Variants in GRB10 observed in about 807,000 individuals in gnomAD.
GRB10 encodes growth factor receptor bound protein 10.
GRB10 carries 20 observed loss-of-function variants against 80.9 expected under a neutral mutation model. That is an observed-to-expected ratio of 0.25 (90% CI 0.17 to 0.36). The LOEUF is 0.36. GRB10 is among the 10% of genes least tolerant of loss of function. The pLI, the probability that GRB10 is intolerant of heterozygous loss-of-function variation, is 1.00. For missense variants in GRB10, 548 were observed against 747.7 expected, an observed-to-expected ratio of 0.73 and a Z score of 3.12; for synonymous variants, 291 against 291.5, an observed-to-expected ratio of 1.00 and a Z score of 0.02.
At chr7:50,630,086 T>A (rs1040145666) in intron 7 of GRB10, among the ~76,000 whole-genome samples, 3 of 152,248 alleles carry the variant, frequency 2.0e-5, no homozygotes, top group African/African-American at 7.2e-5. Flanking sequence ...AGCCTCCTAC[T>A]GGCTTTGTGA....
At chr7:50,768,399 GCCCTAATAAGGCCTTCATAAA>G (rs963507470) in intron 2 of GRB10, among the ~76,000 whole-genome samples, 1 of 152,112 alleles carries the variant, frequency 6.6e-6, no homozygotes, top group African/African-American at 2.4e-5. Context: ...GACTTCAATT[GCCCTAATAAGGCCTTCATAAA>G]CCCCCAGGTT....
At chr7:50,773,424 A>C (rs867295576) in intron 2 of GRB10, among the ~76,000 whole-genome samples, 1 of 29,500 alleles carries the variant, frequency 3.4e-5, no homozygotes, top group African/African-American at 6.5e-5. Flanking sequence ...GGGACGGGGA[A>C]GGGAAGGGGA....
Position 50,596,244 on chromosome 7 carries a change from T to G in GRB10, c.1545-714A>C, listed in dbSNP as rs111646891. Reference sequence around the variant, plus strand: ...TTACTACAAAGGGGAAAATAATAGCTTTACAGTGGAGAAATCCGGCCGACA... The same window carrying G: ...TTACTACAAAGGGGAAAATAATAGCGTTACAGTGGAGAAATCCGGCCGACA... On this transcript the variant is annotated intron_variant, in intron 17 of 18. Coordinates refer to ENST00000401949, the MANE Select transcript of GRB10 (RefSeq NM_001350814.2). Among the ~76,000 whole-genome samples the G allele has an allele frequency of 1.6e-3, 237 of 152,318 alleles. 3 individuals carry two copies. Among genetic ancestry groups the G allele is most frequent in the African/African-American group, 5.4e-3 (225 of 41,564 alleles).
chr7:50,774,732 T>A (rs934272172), intron 2 of GRB10, among the ~76,000 whole-genome samples: 4 of 152,132 alleles, frequency 2.6e-5, no homozygotes, highest in African/African-American at 9.7e-5. Flanking sequence ...CAAAATACAT[T>A]CATTCCATCC....
intron 17 of GRB10, among the ~76,000 whole-genome samples, chr7:50,598,596 T>A (rs1461255213): frequency 6.6e-6 from 1 of 152,192 alleles, no homozygotes; most frequent in Non-Finnish European, 1.5e-5. Context: ...TTCATGGTGA[T>A]ACTGTTATCT....
intron 5 of GRB10, among the ~76,000 whole-genome samples, chr7:50,697,737 C>G (rs1398642815): frequency 2.6e-5 from 4 of 152,192 alleles, no homozygotes; most frequent in African/African-American, 9.6e-5. Context: ...TAAAAAGAAT[C>G]CCCAAAGTTG....
chr7:50,694,980 T>C (rs375539808), intron 5 of GRB10, among the ~76,000 whole-genome samples: 1 of 152,116 alleles, frequency 6.6e-6, no homozygotes, highest in South Asian at 2.1e-4. Context: ...CTAACCTCTC[T>C]GCTATTAGGA....
intron 15 of GRB10, chr7:50,604,922 T>C (rs1189390556): frequency 9.7e-6 from 3 of 310,426 alleles, no homozygotes; most frequent in Non-Finnish European, 1.8e-5. Flanking sequence ...AGGCTGTTAG[T>C]AGCAGACCTT....
At chr7:50,749,657 T>G (rs975393027) in intron 3 of GRB10, among the ~76,000 whole-genome samples, 2 of 152,212 alleles carry the variant, frequency 1.3e-5, no homozygotes, top group African/African-American at 2.4e-5. Context: ...CTGCAATAAC[T>G]AGGTAATCAT....
intron 3 of GRB10, among the ~76,000 whole-genome samples, chr7:50,739,940 C>T (rs2153695992): frequency 6.6e-6 from 1 of 152,314 alleles, no homozygotes; most frequent in African/African-American, 2.4e-5. Flanking sequence ...GCCACCTCTT[C>T]CTGTGACTCC....
chr7:50,775,248 G>A (rs2077503934), intron 2 of GRB10, among the ~76,000 whole-genome samples: 1 of 150,408 alleles, frequency 6.6e-6, no homozygotes, highest in Non-Finnish European at 1.5e-5. Flanking sequence ...GAAAAAAGAG[G>A]TAACATTTCC....
intron 13 of GRB10, among the ~76,000 whole-genome samples, chr7:50,607,402 A>G (rs2048728581): frequency 6.6e-6 from 1 of 152,210 alleles, no homozygotes; most frequent in Admixed American, 6.5e-5. Flanking sequence ...TCAACTTCAC[A>G]TTCAATATGG....
intron 4 of GRB10, among the ~76,000 whole-genome samples, chr7:50,728,189 A>G (rs1360774808): frequency 7.1e-6 from 1 of 140,776 alleles, no homozygotes; most frequent in Non-Finnish European, 1.5e-5. Flanking sequence ...AATGTAGTCT[A>G]ATAAAATGTT....
intron 5 of GRB10, among the ~76,000 whole-genome samples, chr7:50,688,453 G>T (rs890551038): frequency 1.3e-5 from 2 of 152,126 alleles, no homozygotes; most frequent in Non-Finnish European, 2.9e-5. Context: ...TCTTTGTCAG[G>T]ACCAAAGAAT....
chr7:50,760,237 G>A (rs542603770), intron 2 of GRB10, among the ~76,000 whole-genome samples: 283 of 152,258 alleles, frequency 1.9e-3, no homozygotes, highest in African/African-American at 6.2e-3. Flanking sequence ...ACAGAACAGC[G>A]ACTGAGCAGA....
intron 17 of GRB10, among the ~76,000 whole-genome samples, chr7:50,597,529 TG>T (rs1563101658): frequency 2.6e-5 from 4 of 152,358 alleles, no homozygotes; most frequent in Admixed American, 2.0e-4. Context: ...GAGGAAAATG[TG>T]GGGCGTCCCT....
At chr7:50,743,297 G>A (rs891663105) in intron 3 of GRB10, among the ~76,000 whole-genome samples, 1 of 152,210 alleles carries the variant, frequency 6.6e-6, no homozygotes, top group African/African-American at 2.4e-5. Flanking sequence ...AGACTTGTGT[G>A]GCATATTCTA....
At chr7:50,791,690 ACT>A (rs1395705623) in intron 1 of GRB10, among the ~76,000 whole-genome samples, 2 of 152,232 alleles carry the variant, frequency 1.3e-5, no homozygotes, top group African/African-American at 2.4e-5. Context: ...TGGGCGTGTA[ACT>A]CTGTCCTCAA....
chr7:50,789,734 T>C (rs2078836777), intron 1 of GRB10, among the ~76,000 whole-genome samples: 1 of 152,074 alleles, frequency 6.6e-6, no homozygotes, highest in Non-Finnish European at 1.5e-5. Context: ...GGTTCAAAAA[T>C]ATGAATATTC....
Sources: allele counts gnomAD v4.1 joint callset (sites outside exome capture counted in the v4.1 genomes callset), GRCh38; gene constraint gnomAD v4.1.1; transcripts MANE v1.5; gene names NCBI Gene and HGNC (gene_info 2026-07-23, HGNC 2026-07-21).